Variants in DNER observed in about 807,000 individuals in gnomAD.
DNER encodes delta/notch like EGF repeat containing, also known as delta and Notch-like epidermal growth factor-related receptor.
In DNER, 33 loss-of-function variants were observed where a neutral mutation model predicts 78.2. The ratio of observed to expected loss-of-function variants is 0.42; its 90% CI spans 0.32 to 0.56. DNER has a LOEUF of 0.56. Ranked by LOEUF, DNER falls within the 20% of genes least tolerant of loss-of-function variation. The pLI, the probability that DNER is intolerant of heterozygous loss-of-function variation, is 0.11. For synonymous variants in DNER, 417 were observed against 384.8 expected (o/e 1.08, Z -0.98); for missense variants, 918 against 975.3 (o/e 0.94, Z 0.78).
At chr2:229,368,115 A>C (rs1692393344) in intron 11 of DNER, among the ~76,000 whole-genome samples, 1 of 152,170 alleles carries the variant, frequency 6.6e-6, no homozygotes, top group South Asian at 2.1e-4. Context: ...TAATCCCAGC[A>C]CTTTGGGAGG....
At chr2:229,643,851 T>C (rs988982028) in intron 1 of DNER, among the ~76,000 whole-genome samples, 1 of 152,220 alleles carries the variant, frequency 6.6e-6, no homozygotes, top group Non-Finnish European at 1.5e-5. Context: ...TCCCTTCATT[T>C]TGTGATTTTC....
rs895585299 is a variant in DNER, at chr2:229,714,534, G to A, written c.-111C>T. 9 of 1,039,936 alleles carry A rather than the reference G, an allele frequency of 8.7e-6. No homozygotes were observed. In the African/African-American group the frequency reaches 1.4e-4, roughly 16 times the overall value. 64.4% of individuals were successfully genotyped at this position (1,039,936 alleles called of 1,614,324 possible). ...CGGTGGCGGCTAGGGCTGCTCCGCCGGGCCGGGCGCCTCCTGCAGCTGCGG... is the reference window on the plus strand; with the variant it reads ...CGGTGGCGGCTAGGGCTGCTCCGCCAGGCCGGGCGCCTCCTGCAGCTGCGG... On this transcript the variant is annotated 5_prime_UTR_variant, in exon 1 of 13. Transcript: ENST00000341772.
Position 229,358,590 on chromosome 2 carries a change from T to C in DNER, c.2164A>G (p.Ser722Gly). ...DVSPIAYEDY[S>G]PDDKPLVTLI... is the part of the protein sequence containing the mutation. ...GTGACCAAGGGTTTGTCATCAGGAC[T>C]GTAATCTTCATAGGCGATGGGGCTC... is the stretch of plus-strand genomic sequence containing the variant. Residue 722 changes from serine (S) to glycine (G), a missense_variant, in exon 13 of 13, where the codon AGT becomes GGT. Transcript: ENST00000341772. 6.2e-7 allele frequency: 1 copy of C among 1,614,084 alleles called. No individual in the cohort carries two copies. Among genetic ancestry groups the C allele is most frequent in the Non-Finnish European group, 8.5e-7 (1 of 1,179,972 alleles).
intron 6 of DNER, among the ~76,000 whole-genome samples, chr2:229,477,912 A>G (rs1233173855): frequency 1.3e-5 from 2 of 152,236 alleles, no homozygotes; most frequent in Non-Finnish European, 1.5e-5. Context: ...ATAACTACGC[A>G]CATGTGGTGA....
chr2:229,540,371 G>C (rs554400091), intron 5 of DNER, among the ~76,000 whole-genome samples: 1 of 152,298 alleles, frequency 6.6e-6, no homozygotes, highest in African/African-American at 2.4e-5. Context: ...TCATACATCA[G>C]CTATGGTGTG....
At chr2:229,541,876 T>A (rs1156997040) in intron 5 of DNER, among the ~76,000 whole-genome samples, 6 of 143,504 alleles carry the variant, frequency 4.2e-5, no homozygotes, top group Non-Finnish European at 7.5e-5. Flanking sequence ...TTTATATTTA[T>A]ATTTATTTAT....
intron 6 of DNER, among the ~76,000 whole-genome samples, chr2:229,499,759 A>G (rs1695575414): frequency 6.6e-6 from 1 of 152,176 alleles, no homozygotes; most frequent in East Asian, 1.9e-4. Flanking sequence ...TGGCAAAAGA[A>G]GCGATCAATG....
chr2:229,709,433 T>C (rs935710977), intron 1 of DNER, among the ~76,000 whole-genome samples: 4 of 152,178 alleles, frequency 2.6e-5, no homozygotes, highest in African/African-American at 9.7e-5. Context: ...ACATCTCAGC[T>C]ACTATTCAAC....
At chr2:229,380,055 G>A (rs1271671621) in intron 11 of DNER, among the ~76,000 whole-genome samples, 1 of 152,230 alleles carries the variant, frequency 6.6e-6, no homozygotes, top group Non-Finnish European at 1.5e-5. Flanking sequence ...AAGAAAGACA[G>A]TGAGTGAGCA....
chr2:229,512,160 A>C (rs554718542), intron 6 of DNER, among the ~76,000 whole-genome samples: 1 of 152,300 alleles, frequency 6.6e-6, no homozygotes, highest in East Asian at 1.9e-4. Flanking sequence ...AGGCAGGTGG[A>C]TCACCTGAGG....
chr2:229,599,900 A>G (rs1029097039), intron 1 of DNER, among the ~76,000 whole-genome samples: 2 of 152,172 alleles, frequency 1.3e-5, no homozygotes, highest in African/African-American at 4.8e-5. Flanking sequence ...TTACTGGAGG[A>G]TGGAAAGGAG....
intron 1 of DNER, among the ~76,000 whole-genome samples, chr2:229,617,634 TG>T (rs1370541010): frequency 2.2e-4 from 33 of 152,366 alleles, no homozygotes; most frequent in South Asian, 4.1e-4. Context: ...ATAGTTTTTT[TG>T]TTATAAGCAT....
At chr2:229,675,075 G>A (rs891045341) in intron 1 of DNER, among the ~76,000 whole-genome samples, 13 of 152,148 alleles carry the variant, frequency 8.5e-5, no homozygotes, top group African/African-American at 1.4e-4. Context: ...GGGGACTGTC[G>A]ACACATGTGC....
intron 1 of DNER, among the ~76,000 whole-genome samples, chr2:229,702,327 G>A (rs1212248545): frequency 6.6e-6 from 1 of 152,048 alleles, no homozygotes; most frequent in African/African-American, 2.4e-5. Context: ...TTGAGCCCAG[G>A]AGGTCGAGAA....
intron 1 of DNER, among the ~76,000 whole-genome samples, chr2:229,636,480 G>C (rs1698533366): frequency 6.6e-6 from 1 of 152,206 alleles, no homozygotes; most frequent in Non-Finnish European, 1.5e-5. Context: ...GCATGAGAGA[G>C]TCCCAAATCT....
intron 1 of DNER, among the ~76,000 whole-genome samples, chr2:229,667,866 G>T (rs55986303): frequency 0.032 from 4,907 of 152,268 alleles, 196 homozygotes; most frequent in African/African-American, 0.092. Flanking sequence ...CTTTCAGATA[G>T]TCATGGTATC....
chr2:229,493,066 T>C (rs1695435736), intron 6 of DNER, among the ~76,000 whole-genome samples: 1 of 152,168 alleles, frequency 6.6e-6, no homozygotes, highest in Non-Finnish European at 1.5e-5. Flanking sequence ...AAAATTCTAA[T>C]CGGGATTTGT....
At chr2:229,643,855 G>T (rs1042136474) in intron 1 of DNER, among the ~76,000 whole-genome samples, 2 of 152,058 alleles carry the variant, frequency 1.3e-5, no homozygotes, top group African/African-American at 4.8e-5. Flanking sequence ...TTCATTTTGT[G>T]ATTTTCTTTT....
intron 10 of DNER, among the ~76,000 whole-genome samples, chr2:229,394,741 C>T (rs1413142718): frequency 6.6e-6 from 1 of 152,166 alleles, no homozygotes; most frequent in South Asian, 2.1e-4. Context: ...CCATTGAGGA[C>T]GGGAGCCCAT....
Sources: allele counts gnomAD v4.1 joint callset (sites outside exome capture counted in the v4.1 genomes callset), GRCh38; gene constraint gnomAD v4.1.1; transcripts MANE v1.5; gene names NCBI Gene and HGNC (gene_info 2026-07-23, HGNC 2026-07-21).